Variants in TTBK2 observed in about 807,000 individuals in gnomAD.
The protein encoded by TTBK2 is tau tubulin kinase 2.
In TTBK2, 28 loss-of-function variants were observed where a neutral mutation model predicts 110.8. The observed-to-expected ratio is 0.25, with a 90% CI of 0.19 to 0.35. The LOEUF (loss-of-function observed/expected upper bound fraction) is 0.35, where lower values mean the gene tolerates loss of function less well. Ranked by LOEUF, TTBK2 falls within the 10% of genes least tolerant of loss-of-function variation. The pLI is 1.00. For synonymous variants in TTBK2, 532 were observed against 527.3 expected, an observed-to-expected ratio of 1.01 and a Z score of -0.12; for missense variants, 1,369 against 1,500.3, an observed-to-expected ratio of 0.91 and a Z score of 1.45.
chr15:42,807,482 T>G (rs1416236564), intron 9 of TTBK2, among the ~76,000 whole-genome samples: 1 of 152,132 alleles, frequency 6.6e-6, no homozygotes, highest in African/African-American at 2.4e-5. Flanking sequence ...GGCACAATTA[T>G]GGCTCACTGC....
In TTBK2 at chr15:42,815,872, T is replaced by G. The variant is rs137932848; in HGVS notation, c.603+1160A>C. On this transcript the variant is annotated intron_variant, in intron 7 of 14. Transcript: ENST00000267890. ...ATTCTCTCTCTCTATATATATATAT[T>G]TAAATATATATATATTTAAAAATAT... Among the ~76,000 whole-genome samples the G allele has an allele frequency of 9.6e-3, 1,095 of 114,342 alleles. 7 individuals are homozygous for G. Among genetic ancestry groups the G allele is most frequent in the Non-Finnish European group, 0.014 (885 of 61,668 alleles). 75.0% of individuals were successfully genotyped at this position (114,342 alleles called of 152,430 possible).
At chr15:42,766,446 C>CAAAAAAAAAAAAGAAA (rs1889378461) in intron 13 of TTBK2, among the ~76,000 whole-genome samples, 1 of 30,860 alleles carries the variant, frequency 3.2e-5, no homozygotes, top group Non-Finnish European at 5.2e-5. Context: ...GAATGGAAAG[C>CAAAAAAAAAAAAGAAA]AAAAAAAAAA....
At position 42,784,813 on chromosome 15, in the gene TTBK2, AG is replaced by A. The variant is rs151045568; in HGVS notation, c.981-1179del. Among the ~76,000 whole-genome samples the A allele has an allele frequency of 4.7e-3, 710 of 152,294 alleles. 6 individuals are homozygous for A. The highest frequency in any genetic ancestry group is 0.016 in the African/African-American group (684 of 41,558). Reference sequence around the variant, plus strand: ...TTGAAAGAAAGTTCATTGGCATCAGAGAAGCTTTTGGGAGCTGGCAGGCTCT... The same window carrying A: ...TTGAAAGAAAGTTCATTGGCATCAGAAAGCTTTTGGGAGCTGGCAGGCTCT... On this transcript the variant is annotated intron_variant, in intron 10 of 14. Transcript: ENST00000267890.
chr15:42,894,234 T>A (rs1375640775), intron 1 of TTBK2, among the ~76,000 whole-genome samples: 1 of 152,240 alleles, frequency 6.6e-6, no homozygotes, highest in Non-Finnish European at 1.5e-5. Flanking sequence ...TATGGAACTA[T>A]GAGTCCATTA....
At chr15:42,844,549 C>T (rs566761110) in intron 3 of TTBK2, among the ~76,000 whole-genome samples, 15 of 152,304 alleles carry the variant, frequency 9.8e-5, no homozygotes, top group African/African-American at 3.6e-4. Flanking sequence ...CAGAGTGAGA[C>T]CCTGTCTCTA....
intron 4 of TTBK2, among the ~76,000 whole-genome samples, chr15:42,832,746 G>A (rs1029063634): frequency 6.6e-6 from 1 of 152,154 alleles, no homozygotes; most frequent in Non-Finnish European, 1.5e-5. Context: ...GGCCCAGGAC[G>A]TGAATCACCC....
intron 4 of TTBK2, among the ~76,000 whole-genome samples, chr15:42,837,655 C>T (rs1324598235): frequency 1.2e-5 from 1 of 84,546 alleles, no homozygotes; most frequent in Non-Finnish European, 2.1e-5. Flanking sequence ...GAGACTCTGT[C>T]TCAAAAAAAA....
chr15:42,752,780 AG>A lies in TTBK2; in HGVS notation c.2465del (p.Pro822LeufsTer4). ...VEKDHSATTEPLDVTKTQTFS... is the reference protein window; with the variant it reads ...VEKDHSATTEXLDVTKTQTFS... Reference sequence around the variant, plus strand: ...AAGTCTGTGTTTTTGTCACATCAAGAGGTTCAGTAGTAGCTGAGTGATCCTT... The same window carrying A: ...AAGTCTGTGTTTTTGTCACATCAAGAGTTCAGTAGTAGCTGAGTGATCCTT... On this transcript the variant is annotated frameshift_variant, in exon 14 of 15. Transcript: ENST00000267890. LOFTEE classifies it high-confidence loss of function. 1 of 1,614,176 alleles carries A rather than the reference AG, an allele frequency of 6.2e-7. No homozygotes were observed. The highest frequency in any genetic ancestry group is 8.5e-7 in the Non-Finnish European group (1 of 1,180,036).
rs777826416 is a variant in TTBK2, at chr15:42,830,125, G to A, written c.292-47C>T. The stretch of plus-strand genomic sequence containing the variant: ...TTTCAAATACAGTACTAAAACTATA[G>A]TATAAGAGAAGACTGGGAAACTACT... On this transcript the variant is annotated intron_variant, in intron 4 of 14. Transcript: ENST00000267890. 5.0e-6 allele frequency: 8 copies of A among 1,608,548 alleles called. No individual in the cohort carries two copies. The South Asian group carries it at 7.7e-5, about 16-fold the overall frequency.
chr15:42,916,832 G>A (rs1336542857), intron 1 of TTBK2, among the ~76,000 whole-genome samples: 2 of 151,914 alleles, frequency 1.3e-5, no homozygotes, highest in East Asian at 3.8e-4. Context: ...TTTTTTAAAG[G>A]CAACTACTTT....
In TTBK2 at chr15:42,907,919, A is replaced by AAAT. The variant is rs1555437490; in HGVS notation, c.-68+12516_-68+12518dup. Among the ~76,000 whole-genome samples, 1,383 of 147,672 alleles carry AAAT rather than the reference A, an allele frequency of 9.4e-3. 19 individuals carry two copies. Among genetic ancestry groups the AAAT allele is most frequent in the African/African-American group, 0.032 (1,278 of 39,680 alleles). ...AACCCCATCTCTACAAAAAAAAAAA[A>AAAT]AATAATAATAATAATAATTAGCCTG... On this transcript the variant is annotated intron_variant, in intron 1 of 14. Coordinates refer to ENST00000267890, the MANE Select transcript of TTBK2 (RefSeq NM_173500.4).
chr15:42,747,780 G>A (rs1489656806), intron 14 of TTBK2, among the ~76,000 whole-genome samples: 1 of 152,170 alleles, frequency 6.6e-6, no homozygotes, highest in Non-Finnish European at 1.5e-5. Flanking sequence ...TATGGTAATG[G>A]AAAGTGTACA....
intron 1 of TTBK2, among the ~76,000 whole-genome samples, chr15:42,883,771 A>AAAAAG (rs1895141138): frequency 5.3e-5 from 8 of 152,136 alleles, no homozygotes; most frequent in Non-Finnish European, 1.0e-4. Context: ...AAATGGCATA[A>AAAAAG]ACACACCACT....
In TTBK2 at chr15:42,765,770, C is replaced by T. The variant is rs138393664; in HGVS notation, c.1998+9365G>A. Among the ~76,000 whole-genome samples, 11 of 152,112 alleles carry T rather than the reference C, an allele frequency of 7.2e-5. No homozygotes were observed. The South Asian group carries it at 2.1e-3, about 29-fold the overall frequency. On this transcript the variant is annotated intron_variant, in intron 13 of 14. Coordinates refer to ENST00000267890, the MANE Select transcript of TTBK2 (RefSeq NM_173500.4). ...TCAAATTCAGGAAATACAGAGAACA[C>T]CACAAAGATACTCCATGAGAAGAGC...
intron 13 of TTBK2, among the ~76,000 whole-genome samples, chr15:42,770,091 A>ATG (rs1889598594): frequency 8.7e-6 from 1 of 114,286 alleles, no homozygotes; most frequent in South Asian, 3.5e-4. Context: ...ATCACACACC[A>ATG]GGGCCTGTCG....
In TTBK2 at chr15:42,744,567, A is replaced by T. The variant is rs1213416127; in HGVS notation, c.*1228T>A. On this transcript the variant is annotated 3_prime_UTR_variant, in exon 15 of 15. Transcript: ENST00000267890. ...ATTCCTATTAGAAGAGTGAGATTAG[A>T]ACAAATATCTTCCTCTTTACAGCTT... 6.6e-6 allele frequency: 1 copy of T among 152,202 alleles called. No homozygotes were observed. Among genetic ancestry groups the T allele is most frequent in the Non-Finnish European group, 1.5e-5 (1 of 68,034 alleles). 9.4% of individuals were successfully genotyped at this position (152,202 alleles called of 1,614,324 possible).
At chr15:42,800,505 A>C (rs906847631) in intron 9 of TTBK2, among the ~76,000 whole-genome samples, 2 of 152,222 alleles carry the variant, frequency 1.3e-5, no homozygotes, top group African/African-American at 4.8e-5. Context: ...TGCAAAACCA[A>C]GAATTATTTG....
In TTBK2 at chr15:42,846,418, A is replaced by G. The variant is rs141465519; in HGVS notation, c.218-5985T>C. On this transcript the variant is annotated intron_variant, in intron 3 of 14. Transcript: ENST00000267890. ...GCTGGTCTCAAACTCCTGATCTCAA[A>G]TAATACCCCCACCTAGGCCTCCCAA... Among the ~76,000 whole-genome samples, 5 of 152,080 alleles carry G rather than the reference A, an allele frequency of 3.3e-5. No individual in the cohort carries two copies. In the East Asian group the frequency reaches 9.7e-4, roughly 29 times the overall value.
intron 5 of TTBK2, among the ~76,000 whole-genome samples, chr15:42,828,416 A>G (rs933021647): frequency 6.6e-6 from 1 of 151,762 alleles, no homozygotes; most frequent in Non-Finnish European, 1.5e-5. Flanking sequence ...TAGAAATTTA[A>G]AAGAATTTCC....
Sources: allele counts gnomAD v4.1 joint callset (sites outside exome capture counted in the v4.1 genomes callset), GRCh38; gene constraint gnomAD v4.1.1; transcripts MANE v1.5; gene names NCBI Gene and HGNC (gene_info 2026-07-23, HGNC 2026-07-21).